Variants in OLFM3 observed in about 807,000 individuals in gnomAD.
The protein encoded by OLFM3 is olfactomedin 3, also known as noelin-3.
A neutral mutation model predicts 48.6 loss-of-function variants in OLFM3; 20 were observed. The ratio of observed to expected loss-of-function variants is 0.41; its 90% confidence interval spans 0.29 to 0.60. The LOEUF (loss-of-function observed/expected upper bound fraction) is 0.60. Among genes scored for constraint, OLFM3 ranks in the 20% least tolerant of loss-of-function variants. OLFM3 has a pLI of 0.28. For missense variants in OLFM3, 437 were observed against 544.3 expected (o/e 0.80, Z 1.96); for synonymous variants, 222 against 198.1 (o/e 1.12, Z -1.01).
intron 1 of OLFM3, among the ~76,000 whole-genome samples, chr1:101,964,794 A>G (rs974203953): frequency 2.0e-5 from 3 of 152,224 alleles, no homozygotes; most frequent in Admixed American, 2.0e-4. Context: ...GAAAGTATAC[A>G]GGAGAAATCC....
At chr1:101,892,380 T>C in intron 1 of OLFM3, among the ~76,000 whole-genome samples, 1 of 149,008 alleles carries the variant, frequency 6.7e-6, no homozygotes, top group East Asian at 2.0e-4. Context: ...AAAGACTTCA[T>C]CTATAGAAGC....
intron 1 of OLFM3, among the ~76,000 whole-genome samples, chr1:101,901,976 G>A (rs1658401668): frequency 6.6e-6 from 1 of 151,958 alleles, no homozygotes; most frequent in Non-Finnish European, 1.5e-5. Flanking sequence ...GCGTGGAGAT[G>A]AGATAAAAAA....
At chr1:101,843,025 AACAGTCATAT>A (rs1655805480) in intron 1 of OLFM3, among the ~76,000 whole-genome samples, 1 of 152,214 alleles carries the variant, frequency 6.6e-6, no homozygotes, top group African/African-American at 2.4e-5. Context: ...TGGGGGGAAA[AACAGTCATAT>A]ACAAATCAGT....
intron 2 of OLFM3, among the ~76,000 whole-genome samples, chr1:101,834,491 T>C (rs919461693): frequency 3.9e-5 from 6 of 152,210 alleles, no homozygotes; most frequent in African/African-American, 1.4e-4. Context: ...CTTTGGTGCC[T>C]TGGATATATG....
At chr1:101,961,218 A>G (rs183169923) in intron 1 of OLFM3, among the ~76,000 whole-genome samples, 89 of 152,198 alleles carry the variant, frequency 5.8e-4, no homozygotes, top group African/African-American at 2.0e-3. Flanking sequence ...TTAATGATAG[A>G]TTGTTGCACA....
chr1:101,805,004 T>G, intron 5 of OLFM3, 89 bp from the exon 6 acceptor site: 1 of 1,024,982 alleles, frequency 9.8e-7, no homozygotes, highest in Middle Eastern at 2.4e-4. Flanking sequence ...TCAACACTTA[T>G]TATAATTCTC....
At chr1:101,926,266 G>C (rs1276656780) in intron 1 of OLFM3, among the ~76,000 whole-genome samples, 1 of 152,166 alleles carries the variant, frequency 6.6e-6, no homozygotes, top group Non-Finnish European at 1.5e-5. Flanking sequence ...CGGCAACAGA[G>C]ATGGTACTAT....
intron 1 of OLFM3, among the ~76,000 whole-genome samples, chr1:101,933,284 C>A (rs1659512849): frequency 6.8e-6 from 1 of 147,134 alleles, no homozygotes; most frequent in Admixed American, 6.8e-5. Flanking sequence ...TCTGATAGAG[C>A]TGAAAAACTC....
intron 4 of OLFM3, among the ~76,000 whole-genome samples, chr1:101,816,563 A>G (rs901057246): frequency 6.6e-6 from 1 of 152,178 alleles, no homozygotes; most frequent in Non-Finnish European, 1.5e-5. Context: ...CCAGGTTTGA[A>G]CACTGAGGCA....
rs71655097 is a variant in OLFM3, at chr1:101,828,009, GCTCTCT to G, written c.372+2657_372+2662del. On this transcript the variant is annotated intron_variant, in intron 3 of 5. Coordinates refer to ENST00000370103, the MANE Select transcript of OLFM3 (RefSeq NM_058170.4). ...TAAAGTGTGGTACTTCTGCATTCAT[GCTCTCT>G]CTCTCTCTCTCTCTCTCTGTCTGTC... 3.5e-3 allele frequency among the ~76,000 whole-genome samples: 472 copies of G among 135,966 alleles called. 6 individuals are homozygous for G. Among genetic ancestry groups the G allele is most frequent in the East Asian group, 9.9e-3 (45 of 4,568 alleles). The allele number at this position is 135,966 out of a possible 152,430, so 89.2% of individuals were successfully genotyped here.
At chr1:101,910,363 G>A (rs2101027527) in intron 1 of OLFM3, among the ~76,000 whole-genome samples, 1 of 152,054 alleles carries the variant, frequency 6.6e-6, no homozygotes, top group East Asian at 1.9e-4. Flanking sequence ...CTGCTCAGGA[G>A]GCTGAGGCCA....
chr1:101,985,289 C>T (rs982163899), intron 1 of OLFM3, among the ~76,000 whole-genome samples: 4 of 152,128 alleles, frequency 2.6e-5, no homozygotes, highest in Admixed American at 6.5e-5. Context: ...CTACAAATTC[C>T]GTTTGGTCAT....
chr1:101,996,755 G>A lies in OLFM3; in HGVS notation c.62C>T (p.Pro21Leu), dbSNP rs186342812. ...LLLSLFAGLD[P>L]SKTQISPKEG... ...TCAAAATATTGTTCATACCTTGGAA[G>A]GATCTAATCCGGCAAACAAAGACAG... The change falls in exon 1 of 6, where the codon CCT (proline) becomes CTT (leucine). Residue 21 changes from proline (P) to leucine (L), a missense_variant. By Grantham distance (98) the Pro-to-Leu change is moderately conservative. This residue lies in a region of OLFM3 where 314 missense variants were observed against 365.5 expected (regional missense o/e 0.86). Coordinates refer to ENST00000370103, the MANE Select transcript of OLFM3 (RefSeq NM_058170.4). The A allele has an allele frequency of 1.4e-5, 22 of 1,614,182 alleles. No individual in the cohort carries two copies. Among genetic ancestry groups the A allele is most frequent in the African/African-American group, 4.0e-5 (3 of 75,076 alleles).
At chr1:101,940,239 A>G (rs1018235255) in intron 1 of OLFM3, among the ~76,000 whole-genome samples, 2 of 151,964 alleles carry the variant, frequency 1.3e-5, no homozygotes, top group Non-Finnish European at 1.5e-5. Context: ...AAAAAGTGGA[A>G]CTTTAGAATA....
At chr1:101,836,366 T>C (rs1239335799) in intron 2 of OLFM3, among the ~76,000 whole-genome samples, 1 of 152,326 alleles carries the variant, frequency 6.6e-6, no homozygotes, top group African/African-American at 2.4e-5. Context: ...AAGTAAATTA[T>C]GGAGAGAATG....
chr1:101,982,527 A>C (rs569927800), intron 1 of OLFM3, among the ~76,000 whole-genome samples: 1 of 152,248 alleles, frequency 6.6e-6, no homozygotes, highest in African/African-American at 2.4e-5. Context: ...ATATTTGAAC[A>C]ACGAATATTT....
At chr1:101,820,685 T>C (rs1304080324) in intron 4 of OLFM3, among the ~76,000 whole-genome samples, 2 of 152,052 alleles carry the variant, frequency 1.3e-5, no homozygotes, top group African/African-American at 4.8e-5. Flanking sequence ...TATGATTCCT[T>C]CGGGATCTTA....
chr1:101,976,795 A>G (rs1660966667), intron 1 of OLFM3, among the ~76,000 whole-genome samples: 2 of 152,168 alleles, frequency 1.3e-5, no homozygotes, highest in Admixed American at 6.6e-5. Context: ...CATATGCTGG[A>G]CTCCAAGAAA....
chr1:101,863,193 A>G (rs1656723957), intron 1 of OLFM3, among the ~76,000 whole-genome samples: 7 of 152,146 alleles, frequency 4.6e-5, no homozygotes, highest in Admixed American at 4.6e-4. Flanking sequence ...AACTGGACTC[A>G]AGCGATCCAC....
Sources: allele counts gnomAD v4.1 joint callset (sites outside exome capture counted in the v4.1 genomes callset), GRCh38; gene constraint gnomAD v4.1.1; regional missense constraint gnomAD v4.1.1; transcripts MANE v1.5; gene names NCBI Gene and HGNC (gene_info 2026-07-23, HGNC 2026-07-21).